Variants in GPR89B observed in about 807,000 individuals in gnomAD.
GPR89B encodes the protein G protein-coupled receptor 89B.
Under a neutral mutation model 52.4 loss-of-function variants are expected in GPR89B, and 25 were observed. That is an observed-to-expected ratio of 0.48 (90% confidence interval 0.35 to 0.67). The LOEUF is 0.67. Among genes scored for constraint, GPR89B ranks in the 30% least tolerant of loss-of-function variants. The pLI is 0.01. For missense variants in GPR89B, 146 were observed against 450.2 expected, an observed-to-expected ratio of 0.32 and a Z score of 6.11; for synonymous variants, 52 against 151.2, an observed-to-expected ratio of 0.34 and a Z score of 4.81.
rs1240830481 is a variant in GPR89B at position 147,981,434 on chromosome 1, G to T, written c.910-4765G>T. The stretch of plus-strand genomic sequence containing the variant: ...GGGGAGGATCGCTTGAGCCTGGGAA[G>T]TTGAAGCTGCAGTGAGCCGTGATTG... On this transcript the variant is annotated intron_variant, in intron 10 of 13. Transcript: ENST00000314163. Among the ~76,000 whole-genome samples the T allele has an allele frequency of 7.6e-3, 1,108 of 146,716 alleles. 6 individuals carry two copies. Among genetic ancestry groups the T allele is most frequent in the Non-Finnish European group, 0.012 (783 of 66,710 alleles).
intron 7 of GPR89B, among the ~76,000 whole-genome samples, chr1:147,957,803 G>A (rs1656229659): frequency 6.6e-6 from 1 of 152,144 alleles, no homozygotes; most frequent in East Asian, 1.9e-4. Flanking sequence ...AGTGGCTCAC[G>A]CCTGTAATCC....
chr1:147,961,365 T>C (rs1184174542), intron 7 of GPR89B, among the ~76,000 whole-genome samples: 1 of 151,358 alleles, frequency 6.6e-6, no homozygotes, highest in Non-Finnish European at 1.5e-5. Flanking sequence ...ACTACACCTA[T>C]GTGTATATAT....
chr1:148,017,967 G>A, the GPR89B span, among the ~76,000 whole-genome samples: 2 of 143,178 alleles, frequency 1.4e-5, no homozygotes, highest in Middle Eastern at 7.0e-3. Context: ...GCCTTGCTGA[G>A]AGCAGCCACC....
downstream of GPR89B, among the ~76,000 whole-genome samples, chr1:147,997,066 G>A (rs1210275415): frequency 3.2e-3 from 481 of 152,324 alleles, 5 homozygotes; most frequent in African/African-American, 0.011. Context: ...TAGTGAGCAA[G>A]TCACTGAACA....
At chr1:147,961,564 A>G (rs1384008288) in intron 7 of GPR89B, among the ~76,000 whole-genome samples, 2 of 152,258 alleles carry the variant, frequency 1.3e-5, no homozygotes, top group African/African-American at 4.8e-5. Flanking sequence ...CAGCTACTCA[A>G]GAGGCTAAAG....
chr1:147,931,032 A>G lies in GPR89B; in HGVS notation c.42+2454A>G, dbSNP rs1296578223. On this transcript the variant is annotated intron_variant, in intron 1 of 13. Transcript: ENST00000314163. ...CACCTACTTCCCCTGTAACAACACTACCACATTGTTTTGTAATTACTTGTT... is the reference window on the plus strand; with the variant it reads ...CACCTACTTCCCCTGTAACAACACTGCCACATTGTTTTGTAATTACTTGTT... 2.0e-5 allele frequency among the ~76,000 whole-genome samples: 3 copies of G among 152,018 alleles called. No individual in the cohort carries two copies. In the East Asian group the frequency reaches 5.8e-4, roughly 29 times the overall value.
At chr1:147,967,759 G>C (rs1657134709) in intron 8 of GPR89B, 1 of 152,370 alleles carries the variant, frequency 6.6e-6, no homozygotes, top group Non-Finnish European at 1.5e-5. Context: ...AAAGAAAAAG[G>C]ATTAATTTAG....
the GPR89B span, among the ~76,000 whole-genome samples, chr1:148,017,208 AT>A: frequency 6.6e-6 from 1 of 151,256 alleles, no homozygotes; most frequent in Non-Finnish European, 1.5e-5. Flanking sequence ...CACCCAGGTA[AT>A]TTTTTGTATT....
At chr1:148,021,220 C>T in the GPR89B span, among the ~76,000 whole-genome samples, 1 of 150,786 alleles carries the variant, frequency 6.6e-6, no homozygotes, top group African/African-American at 2.4e-5. Context: ...ATGACATTCC[C>T]GGCCGGGCGC....
At chr1:147,980,543 A>G (rs1241330074) in intron 10 of GPR89B, among the ~76,000 whole-genome samples, 38 of 133,380 alleles carry the variant, frequency 2.8e-4, no homozygotes, top group Non-Finnish European at 5.6e-4. Flanking sequence ...TTTTTCATGT[A>G]ACAGGTTTAT....
At chr1:147,980,783 C>T (rs1321557658) in intron 10 of GPR89B, among the ~76,000 whole-genome samples, 1 of 132,202 alleles carries the variant, frequency 7.6e-6, no homozygotes. Flanking sequence ...CCCGCCACTG[C>T]ACTCCAGCCT....
intron 1 of GPR89B, among the ~76,000 whole-genome samples, chr1:147,930,565 C>T (rs1553246874): frequency 1.3e-5 from 2 of 152,068 alleles, no homozygotes; most frequent in African/African-American, 4.8e-5. Flanking sequence ...AAAAGCACCT[C>T]TCTAGAGAGG....
the GPR89B span, chr1:148,001,567 AAT>A: frequency 1.2e-6 from 1 of 851,450 alleles, no homozygotes; most frequent in Non-Finnish European, 1.9e-6. Flanking sequence ...CCCCTAAAAA[AAT>A]AAAACAGATT....
Position 147,962,161 on chromosome 1 carries a change from C to T in GPR89B, c.618-4393C>T, listed in dbSNP as rs1242718888. Among the ~76,000 whole-genome samples the T allele has an allele frequency of 4.0e-5, 6 of 151,528 alleles. No individual in the cohort carries two copies. The East Asian group carries it at 9.7e-4, about 25-fold the overall frequency. ...ACACATGGCCAGGCACGGTGGCTCA[C>T]GTCTGTAATCCCAGCACTTTGGGAG... is the stretch of plus-strand genomic sequence containing the variant. On this transcript the variant is annotated intron_variant, in intron 7 of 13. Coordinates refer to ENST00000314163, the MANE Select transcript of GPR89B (RefSeq NM_016334.5).
At chr1:148,025,353 T>C in the GPR89B span, among the ~76,000 whole-genome samples, 2 of 151,412 alleles carry the variant, frequency 1.3e-5, no homozygotes, top group Non-Finnish European at 2.9e-5. Context: ...TCATAGGATT[T>C]AATAGGTAAA....
intron 10 of GPR89B, among the ~76,000 whole-genome samples, chr1:147,976,790 C>T (rs1342512683): frequency 1.3e-5 from 2 of 151,906 alleles, no homozygotes; most frequent in African/African-American, 4.9e-5. Context: ...AATAGTTTTT[C>T]CTTTCCATAT....
In GPR89B at chr1:147,993,478, C is replaced by T. The variant is rs1480027282; in HGVS notation, c.*561C>T. On this transcript the variant is annotated 3_prime_UTR_variant, in exon 14 of 14. Transcript: ENST00000314163. ...AACCAAGAGGTTATCTGTTCTTTTC[C>T]GGGAAAGGGGTGGTATGCACCTGAA... is the stretch of plus-strand genomic sequence containing the variant. The T allele has an allele frequency of 7.4e-3, 1,325 of 177,922 alleles. 27 individuals carry two copies. Among genetic ancestry groups the T allele is most frequent in the East Asian group, 0.047 (309 of 6,616 alleles). 11.0% of individuals were successfully genotyped at this position (177,922 alleles called of 1,614,324 possible). A position where few individuals can be genotyped will look rare whatever the true frequency, so the allele number is the denominator to read the frequency against.
At chr1:148,015,321 C>CTCTCTCTG in the GPR89B span, among the ~76,000 whole-genome samples, 1 of 139,428 alleles carries the variant, frequency 7.2e-6, no homozygotes, top group Non-Finnish European at 1.5e-5. Flanking sequence ...CTCTCTCTCT[C>CTCTCTCTG]TCTCTCTCTC....
chr1:147,938,403 G>A (rs6593848), intron 2 of GPR89B, among the ~76,000 whole-genome samples: 11,388 of 146,958 alleles, frequency 0.077, 898 homozygotes, highest in African/African-American at 0.2. Context: ...TAACCATTAT[G>A]TACGAATCTG....
Sources: allele counts gnomAD v4.1 joint callset (sites outside exome capture counted in the v4.1 genomes callset), GRCh38; gene constraint gnomAD v4.1.1; transcripts MANE v1.5; gene names NCBI Gene and HGNC (gene_info 2026-07-23, HGNC 2026-07-21).